The following PCDH7 variants were observed in gnomAD, a reference collection of about 807,000 sequenced individuals.
The protein encoded by PCDH7 is protocadherin-7.
In PCDH7, 17 loss-of-function variants were observed where a neutral mutation model predicts 58.9. The observed-to-expected ratio is 0.29, with a 90% CI of 0.20 to 0.43. The LOEUF is 0.43. PCDH7 is among the 20% of genes least tolerant of loss of function. The pLI, the probability that PCDH7 is intolerant of heterozygous loss-of-function variation, is 1.00. For synonymous variants in PCDH7, 664 were observed against 616.4 expected, an observed-to-expected ratio of 1.08 and a Z score of -1.14; for missense variants, 1,274 against 1,441.0, an observed-to-expected ratio of 0.88 and a Z score of 1.88.
At chr4:30,793,333 A>C (rs1276886845) in intron 1 of PCDH7, among the ~76,000 whole-genome samples, 2 of 152,194 alleles carry the variant, frequency 1.3e-5, no homozygotes, top group African/African-American at 4.8e-5. Context: ...TTTGAGATTA[A>C]CATTTGGATT....
chr4:31,130,315 C>T (rs559752581), intron 3 of PCDH7, among the ~76,000 whole-genome samples: 96 of 152,170 alleles, frequency 6.3e-4, no homozygotes, highest in Admixed American at 2.7e-3. Context: ...ACAAATAATA[C>T]GGACAGTTGG....
At chr4:31,017,361 G>C (rs1444420805) in intron 3 of PCDH7, among the ~76,000 whole-genome samples, 1 of 152,072 alleles carries the variant, frequency 6.6e-6, no homozygotes, top group South Asian at 2.1e-4. Context: ...GGGCTATACT[G>C]TAAGCTCAAT....
intron 3 of PCDH7, among the ~76,000 whole-genome samples, chr4:31,123,647 T>C (rs1044008045): frequency 2.0e-5 from 3 of 152,170 alleles, no homozygotes; most frequent in Non-Finnish European, 4.4e-5. Context: ...GGCTTAAGTG[T>C]TAAACAGCTC....
chr4:30,792,138 C>A (rs1724199652), intron 1 of PCDH7, among the ~76,000 whole-genome samples: 1 of 152,118 alleles, frequency 6.6e-6, no homozygotes, highest in East Asian at 1.9e-4. Flanking sequence ...CATTTAATAT[C>A]TGAAAAGTCA....
intron 3 of PCDH7, among the ~76,000 whole-genome samples, chr4:30,989,138 A>C (rs1409729029): frequency 6.8e-6 from 1 of 147,848 alleles, no homozygotes; most frequent in Non-Finnish European, 1.5e-5. Flanking sequence ...GGACAGAATC[A>C]AATCACAGTT....
intron 3 of PCDH7, among the ~76,000 whole-genome samples, chr4:31,017,320 T>C (rs1271604818): frequency 3.3e-5 from 5 of 152,198 alleles, no homozygotes; most frequent in Non-Finnish European, 4.4e-5. Context: ...AAAAATAATT[T>C]ACATCCATTT....
intron 1 of PCDH7, among the ~76,000 whole-genome samples, chr4:30,801,344 GT>G (rs1490883831): frequency 2.6e-5 from 4 of 152,116 alleles, no homozygotes; most frequent in African/African-American, 9.7e-5. Flanking sequence ...GAAATACCCA[GT>G]GAATATATGC....
chr4:31,098,393 G>T (rs1327510270), intron 3 of PCDH7, among the ~76,000 whole-genome samples: 1 of 152,136 alleles, frequency 6.6e-6, no homozygotes, highest in African/African-American at 2.4e-5. Flanking sequence ...ATATCAATTA[G>T]TTTATACACA....
intron 2 of PCDH7, among the ~76,000 whole-genome samples, chr4:30,945,271 TATCTC>T (rs1310657594): frequency 7.2e-5 from 11 of 151,880 alleles, no homozygotes; most frequent in African/African-American, 2.2e-4. Context: ...GCATGTATAT[TATCTC>T]AAATCCAATT....
At chr4:30,821,749 C>T (rs1728404085) in intron 1 of PCDH7, among the ~76,000 whole-genome samples, 2 of 152,260 alleles carry the variant, frequency 1.3e-5, no homozygotes, top group South Asian at 4.1e-4. Context: ...GACACTGCTG[C>T]TGTATGCATG....
chr4:30,774,995 T>C (rs1296363844), intron 1 of PCDH7, among the ~76,000 whole-genome samples: 1 of 152,240 alleles, frequency 6.6e-6, no homozygotes, highest in Non-Finnish European at 1.5e-5. Flanking sequence ...CTTTATTCTT[T>C]TGTTTTATAG....
intron 1 of PCDH7, among the ~76,000 whole-genome samples, chr4:30,728,021 T>A (rs1242529662): frequency 6.6e-5 from 10 of 151,762 alleles, no homozygotes; most frequent in Non-Finnish European, 1.5e-4. Flanking sequence ...CATTTTAAAA[T>A]CCACTTGCAG....
intron 3 of PCDH7, among the ~76,000 whole-genome samples, chr4:31,016,178 G>A (rs1753585805): frequency 6.6e-6 from 1 of 152,060 alleles, no homozygotes. Flanking sequence ...CCAATGTTCA[G>A]GTTCTTTCTA....
At chr4:30,846,859 C>T (rs1340840798) in intron 1 of PCDH7, among the ~76,000 whole-genome samples, 2 of 152,104 alleles carry the variant, frequency 1.3e-5, no homozygotes, top group Non-Finnish European at 2.9e-5. Context: ...GGCAGTGGCT[C>T]ATGACTATAA....
In PCDH7 at chr4:30,838,003, A is replaced by C. The variant is rs1044765205; in HGVS notation, c.71-82150A>C. On this transcript the variant is annotated intron_variant, in intron 1 of 3. Transcript: ENST00000509759. ...ATTAGCAATCCACAAGAGCATGTTA[A>C]GTTCCAAAATATTGTAGCGAAATAT... Among the ~76,000 whole-genome samples, 8 of 151,462 alleles carry C rather than the reference A, an allele frequency of 5.3e-5. No individual in the cohort carries two copies. In the East Asian group the frequency reaches 7.7e-4, roughly 15 times the overall value.
intron 1 of PCDH7, among the ~76,000 whole-genome samples, chr4:30,792,271 T>C (rs2109299474): frequency 6.6e-6 from 1 of 152,284 alleles, no homozygotes; most frequent in African/African-American, 2.4e-5. Flanking sequence ...TAATTAATAA[T>C]CGTGACTGGA....
chr4:30,798,559 T>C (rs1276432023), intron 1 of PCDH7, among the ~76,000 whole-genome samples: 2 of 152,232 alleles, frequency 1.3e-5, no homozygotes, highest in Admixed American at 6.5e-5. Flanking sequence ...CAAAAATTCG[T>C]AGGCACAAAG....
At chr4:31,019,807 C>T (rs912337486) in intron 3 of PCDH7, among the ~76,000 whole-genome samples, 1 of 151,976 alleles carries the variant, frequency 6.6e-6, no homozygotes, top group Non-Finnish European at 1.5e-5. Context: ...CACACACACC[C>T]ACAGGTACGC....
intron 3 of PCDH7, among the ~76,000 whole-genome samples, chr4:30,989,608 C>A (rs1311194339): frequency 6.6e-6 from 1 of 152,160 alleles, no homozygotes; most frequent in African/African-American, 2.4e-5. Context: ...AGGCACAGAA[C>A]CCTTGTGAGC....
Sources: gnomAD v4.1 joint callset for allele counts (sites outside exome capture counted in the v4.1 genomes callset) on GRCh38, gnomAD v4.1.1 for gene constraint, MANE v1.5 for transcripts, NCBI Gene and HGNC (gene_info 2026-07-23, HGNC 2026-07-21) for gene names.